KCNIP1: variants seen among roughly 807,000 people sequenced by gnomAD.
KCNIP1 encodes the protein potassium voltage-gated channel interacting protein 1, also known as A-type potassium channel modulatory protein KCNIP1.
A neutral mutation model predicts 33.0 loss-of-function variants in KCNIP1; 18 were observed. The ratio of observed to expected loss-of-function variants is 0.55; its 90% CI spans 0.38 to 0.81. The LOEUF is 0.81. Ranked by LOEUF, KCNIP1 falls within the 30% of genes least tolerant of loss-of-function variation. The pLI is 0.00. For missense variants in KCNIP1, 238 were observed against 271.6 expected, an observed-to-expected ratio of 0.88 and a Z score of 0.87; for synonymous variants, 93 against 98.3, an observed-to-expected ratio of 0.95 and a Z score of 0.32.
intron 1 of KCNIP1, among the ~76,000 whole-genome samples, chr5:170,667,129 T>C (rs1761734715): frequency 6.6e-6 from 1 of 152,044 alleles, no homozygotes; most frequent in Non-Finnish European, 1.5e-5. Flanking sequence ...CTGACCAATG[T>C]TGGAGAAACC....
At chr5:170,524,816 G>A (rs1465053143) in intron 1 of KCNIP1, among the ~76,000 whole-genome samples, 1 of 152,118 alleles carries the variant, frequency 6.6e-6, no homozygotes, top group East Asian at 1.9e-4. Flanking sequence ...TGGTTCTGAG[G>A]CCCGGCTGCC....
chr5:170,474,441 T>C (rs1048935023), intron 1 of KCNIP1, among the ~76,000 whole-genome samples: 2 of 152,230 alleles, frequency 1.3e-5, no homozygotes, highest in African/African-American at 4.8e-5. Context: ...ATCTGTCTTA[T>C]GTAAATTTAA....
chr5:170,604,098 G>A (rs540778765), intron 1 of KCNIP1, among the ~76,000 whole-genome samples: 1 of 152,170 alleles, frequency 6.6e-6, no homozygotes, highest in East Asian at 1.9e-4. Flanking sequence ...GTGACGGCCC[G>A]GTGGTGGGAA....
At position 170,587,421 on chromosome 5, in the gene KCNIP1, C is replaced by CAAAAAAAAAAAAA. The variant is rs56358014; in HGVS notation, c.61+82801_61+82813dup. Among the ~76,000 whole-genome samples, 52 of 70,334 alleles carry CAAAAAAAAAAAAA rather than the reference C, an allele frequency of 7.4e-4. 1 individual carries two copies. Among genetic ancestry groups the CAAAAAAAAAAAAA allele is most frequent in the South Asian group, 3.0e-3 (5 of 1,690 alleles). 46.1% of individuals were successfully genotyped at this position (70,334 alleles called of 152,430 possible). On this transcript the variant is annotated intron_variant, in intron 1 of 7. Coordinates refer to ENST00000328939, the MANE Select transcript of KCNIP1 (RefSeq NM_014592.4). ...TGGGCAACAGAGCGAGACTCTGTCT[C>CAAAAAAAAAAAAA]AAAAAAAAAAAAAAAAAAAAAAAAA...
At chr5:170,371,741 T>C (rs1402354301) in intron 1 of KCNIP1, among the ~76,000 whole-genome samples, 2 of 152,252 alleles carry the variant, frequency 1.3e-5, no homozygotes, top group Non-Finnish European at 2.9e-5. Context: ...GATAGATTCT[T>C]GCACAGCAAG....
At chr5:170,425,080 C>T (rs189742292) in intron 1 of KCNIP1, among the ~76,000 whole-genome samples, 2 of 152,272 alleles carry the variant, frequency 1.3e-5, no homozygotes, top group East Asian at 3.9e-4. Context: ...TTGAAAACAG[C>T]CCTCCCCTGC....
chr5:170,712,523 T>C (rs1029482392), intron 1 of KCNIP1, among the ~76,000 whole-genome samples: 2 of 152,228 alleles, frequency 1.3e-5, no homozygotes, highest in African/African-American at 4.8e-5. Flanking sequence ...CAGTCAAACA[T>C]GCGAGTGTTT....
In KCNIP1 at chr5:170,504,463, G is replaced by A. The variant is rs1754624762; in HGVS notation, c.-110G>A. 7.0e-6 allele frequency: 11 copies of A among 1,561,212 alleles called. No individual in the cohort carries two copies. The highest frequency in any genetic ancestry group is 5.8e-5 in the South Asian group (5 of 85,510). ...AATACCAAGCTGCAGGCGAGCTGCC[G>A]GGCGCTTTTCTCTCCTCCAATTCAG... On this transcript the variant is annotated 5_prime_UTR_variant, in exon 1 of 8. Transcript: ENST00000328939. This position sits in a 1 kb window ranked among gnomAD's most constrained non-coding sequence, Gnocchi z 6.0.
intron 1 of KCNIP1, among the ~76,000 whole-genome samples, chr5:170,685,109 C>G (rs1440867619): frequency 6.6e-6 from 1 of 152,064 alleles, no homozygotes; most frequent in Non-Finnish European, 1.5e-5. Flanking sequence ...TAAGGACAAC[C>G]CAGTCTCCTG....
chr5:170,683,704 A>G (rs1489501392), intron 1 of KCNIP1, among the ~76,000 whole-genome samples: 1 of 151,438 alleles, frequency 6.6e-6, no homozygotes, highest in Admixed American at 6.6e-5. Context: ...CCTTGATCTT[A>G]TTCCTATTTT....
rs746084520 is a variant in KCNIP1 at position 170,489,753 on chromosome 5, C to A, written c.88+135789C>A. 1.3e-5 allele frequency among the ~76,000 whole-genome samples: 2 copies of A among 152,176 alleles called. No individual in the cohort carries two copies. The highest frequency in any genetic ancestry group is 2.9e-5 in the Non-Finnish European group (2 of 68,038). ...CCCTTTACAACTGACGGGAGCTATC[C>A]TGGGGAATGAAGCCTGAGGCTAAAA... On this transcript the variant is annotated intron_variant, in intron 1 of 7. Transcript: ENST00000377360. This position sits in a 1 kb window ranked among gnomAD's most constrained non-coding sequence, Gnocchi z 4.3.
intron 1 of KCNIP1, among the ~76,000 whole-genome samples, chr5:170,647,684 A>C (rs58863376): frequency 0.014 from 2,132 of 152,308 alleles, 48 homozygotes; most frequent in East Asian, 0.073. Context: ...CTAGAATATA[A>C]CATGGAATCA....
At chr5:170,396,259 G>A (rs75374238) in intron 1 of KCNIP1, among the ~76,000 whole-genome samples, 4 of 152,334 alleles carry the variant, frequency 2.6e-5, no homozygotes, top group Non-Finnish European at 5.9e-5. Flanking sequence ...GGATCAGCAG[G>A]AGAATCTTCT....
intron 1 of KCNIP1, among the ~76,000 whole-genome samples, chr5:170,386,003 G>A (rs1259530661): frequency 6.6e-6 from 1 of 151,866 alleles, no homozygotes; most frequent in Non-Finnish European, 1.5e-5. Flanking sequence ...GTGGGAGCCA[G>A]TAGTCCCAGC....
At chr5:170,597,444 G>C (rs969831691) in intron 1 of KCNIP1, among the ~76,000 whole-genome samples, 1 of 152,064 alleles carries the variant, frequency 6.6e-6, no homozygotes, top group Non-Finnish European at 1.5e-5. Flanking sequence ...TTGCAAAGAG[G>C]CGTCTCCCTC....
At chr5:170,482,076 C>T (rs998411333) in intron 1 of KCNIP1, among the ~76,000 whole-genome samples, 4 of 152,192 alleles carry the variant, frequency 2.6e-5, no homozygotes, top group Non-Finnish European at 5.9e-5. Flanking sequence ...GCTTTGCAGT[C>T]TATGTCTTAA....
upstream of KCNIP1, among the ~76,000 whole-genome samples, chr5:170,502,069 C>G (rs1235764946): frequency 6.6e-6 from 1 of 152,206 alleles, no homozygotes; most frequent in Admixed American, 6.5e-5. Flanking sequence ...ACGACAGAGG[C>G]CTGGAACCCA....
chr5:170,715,797 G>A (rs1413622365), intron 1 of KCNIP1, among the ~76,000 whole-genome samples: 1 of 152,184 alleles, frequency 6.6e-6, no homozygotes. Context: ...ACTTAAGTCT[G>A]ACTTAGTAAC....
At chr5:170,598,904 C>CGTGTGTGCGCGT (rs1758570854) in intron 1 of KCNIP1, among the ~76,000 whole-genome samples, 7 of 133,776 alleles carry the variant, frequency 5.2e-5, no homozygotes, top group African/African-American at 2.0e-4. Flanking sequence ...TGTGTGTGCG[C>CGTGTGTGCGCGT]GTGTGTGTGT....
Sources: allele counts gnomAD v4.1 joint callset (sites outside exome capture counted in the v4.1 genomes callset), GRCh38; gene constraint gnomAD v4.1.1; non-coding constraint Gnocchi (gnomAD v3.1); transcripts MANE v1.5; gene names NCBI Gene and HGNC (gene_info 2026-07-23, HGNC 2026-07-21).